PTPRN2: variants seen among roughly 807,000 people sequenced by gnomAD.
PTPRN2 encodes the protein protein tyrosine phosphatase receptor type N2, also known as receptor-type tyrosine-protein phosphatase N2.
PTPRN2 carries 74 observed loss-of-function variants against 118.8 expected under a neutral mutation model. The ratio of observed to expected loss-of-function variants is 0.62; its 90% CI spans 0.52 to 0.76. The LOEUF (loss-of-function observed/expected upper bound fraction) is 0.76. Ranked by LOEUF, PTPRN2 falls within the 30% of genes least tolerant of loss-of-function variation. The pLI, the probability that PTPRN2 is intolerant of heterozygous loss-of-function variation, is 0.00. For synonymous variants in PTPRN2, 641 were observed against 608.0 expected, an observed-to-expected ratio of 1.05 and a Z score of -0.80; for missense variants, 1,481 against 1,394.4, an observed-to-expected ratio of 1.06 and a Z score of -0.99.
At chr7:158,370,385 G>A (rs574457615) in intron 2 of PTPRN2, among the ~76,000 whole-genome samples, 121 of 151,948 alleles carry the variant, frequency 8.0e-4, no homozygotes, top group African/African-American at 2.8e-3. Flanking sequence ...GCAGTGAGCC[G>A]AGATTGTACC....
At chr7:157,714,042 G>C (rs2150897313) in intron 12 of PTPRN2, among the ~76,000 whole-genome samples, 1 of 152,348 alleles carries the variant, frequency 6.6e-6, no homozygotes, top group Admixed American at 6.5e-5. Flanking sequence ...TCCACATTTT[G>C]AGGTGTGTAA....
Position 157,608,508 on chromosome 7 carries a change from C to G in PTPRN2, c.2345-4433G>C, listed in dbSNP as rs570898085. Among the ~76,000 whole-genome samples, 5 of 152,282 alleles carry G rather than the reference C, an allele frequency of 3.3e-5. No homozygotes were observed. In the South Asian group the frequency reaches 1.0e-3, roughly 32 times the overall value. ...CCTGCAGGGGGCGGCAACCGTTCCT[C>G]GTGCGGAGAGTTCATGTGCCTGGCG... On this transcript the variant is annotated intron_variant, in intron 15 of 22. Transcript: ENST00000389418.
At chr7:158,122,542 A>G (rs1817259807) in intron 9 of PTPRN2, among the ~76,000 whole-genome samples, 1 of 152,144 alleles carries the variant, frequency 6.6e-6, no homozygotes, top group African/African-American at 2.4e-5. Flanking sequence ...GACTAGTGAA[A>G]AGTACGTAGG....
At chr7:158,363,326 G>A (rs1055344874) in intron 2 of PTPRN2, among the ~76,000 whole-genome samples, 5 of 152,150 alleles carry the variant, frequency 3.3e-5, no homozygotes, top group Admixed American at 3.3e-4. Context: ...GAAGCTATGG[G>A]AGGATGCTCG....
At chr7:157,630,295 G>A (rs201227241) in intron 14 of PTPRN2, among the ~76,000 whole-genome samples, 1 of 152,152 alleles carries the variant, frequency 6.6e-6, no homozygotes, top group East Asian at 1.9e-4. Flanking sequence ...ATTCAAAGTA[G>A]TACATGTGAA....
intron 1 of PTPRN2, among the ~76,000 whole-genome samples, chr7:158,504,386 C>G (rs1822591349): frequency 6.6e-6 from 1 of 152,000 alleles, no homozygotes; most frequent in South Asian, 2.1e-4. Context: ...TGTGTCGTTC[C>G]CCCCCCATGT....
At chr7:158,071,586 G>GTGGTGGAGGTGCTTGTGGTGA (rs1811718943) in intron 11 of PTPRN2, among the ~76,000 whole-genome samples, 3 of 112,764 alleles carry the variant, frequency 2.7e-5, no homozygotes, top group African/African-American at 1.1e-4. Flanking sequence ...GGTGCTCCTG[G>GTGGTGGAGGTGCTTGTGGTGA]TGGAGGTGCT....
intron 2 of PTPRN2, among the ~76,000 whole-genome samples, chr7:158,374,068 G>A (rs1810311440): frequency 6.6e-6 from 1 of 152,232 alleles, no homozygotes; most frequent in African/African-American, 2.4e-5. Context: ...ACTGGAGTCA[G>A]GGCTCAGGCA....
chr7:158,281,352 A>G (rs1160879795), intron 3 of PTPRN2, among the ~76,000 whole-genome samples: 1 of 152,252 alleles, frequency 6.6e-6, no homozygotes, highest in Non-Finnish European at 1.5e-5. Context: ...ATAAAACAGT[A>G]GTAGAGTCAT....
chr7:158,110,862 A>G lies in PTPRN2; in HGVS notation c.1610T>C (p.Leu537Pro), dbSNP rs1372873985. The change falls in exon 10 of 23, where the codon CTG becomes CCG. Residue 537 changes from leucine (L) to proline (P), a missense_variant. Leu to Pro is a moderately conservative substitution (Grantham distance 98, BLOSUM62 -3). This residue lies in a region of PTPRN2 where 1,115 missense variants were observed against 994.2 expected (regional missense o/e 1.12). Transcript: ENST00000389418. ...AGCGAACGCACTGCTGGGCACCTGC[A>G]GGAGGCGGGCGACGTCCTCCACCAG... ...RRLVEDVARL[L>P]QVPSSAFADV... 2 of 1,589,574 alleles carry G rather than the reference A, an allele frequency of 1.3e-6. No homozygotes were observed. Among genetic ancestry groups the G allele is most frequent in the Admixed American group, 1.7e-5 (1 of 57,730 alleles).
chr7:158,065,646 A>C (rs1200865256), intron 11 of PTPRN2, among the ~76,000 whole-genome samples: 2 of 152,204 alleles, frequency 1.3e-5, no homozygotes, highest in Non-Finnish European at 2.9e-5. Flanking sequence ...TTTGTATTTC[A>C]CAACCAGCGG....
intron 12 of PTPRN2, among the ~76,000 whole-genome samples, chr7:157,732,483 T>C (rs55824501): frequency 0.011 from 113 of 9,942 alleles, 1 homozygote; most frequent in Non-Finnish European, 0.016. Flanking sequence ...CCCTTTTCCG[T>C]CCCATGCGCC....
At chr7:157,725,284 G>A (rs1281881023) in intron 12 of PTPRN2, among the ~76,000 whole-genome samples, 1 of 132,394 alleles carries the variant, frequency 7.6e-6, no homozygotes, top group African/African-American at 3.3e-5. Flanking sequence ...CCTCCCAGGA[G>A]AACTGGATAC....
At chr7:157,683,309 C>T (rs935419010) in intron 12 of PTPRN2, among the ~76,000 whole-genome samples, 28 of 151,380 alleles carry the variant, frequency 1.8e-4, no homozygotes, top group African/African-American at 6.5e-4. Context: ...CAATGATTGT[C>T]GGGGGTGCTG....
At chr7:157,778,612 C>T (rs1352599510) in intron 12 of PTPRN2, among the ~76,000 whole-genome samples, 1 of 152,042 alleles carries the variant, frequency 6.6e-6, no homozygotes, top group African/African-American at 2.4e-5. Context: ...CATGTGAATA[C>T]AGGTATCGAA....
intron 2 of PTPRN2, among the ~76,000 whole-genome samples, chr7:158,391,562 G>A (rs1434570395): frequency 6.6e-6 from 1 of 152,202 alleles, no homozygotes; most frequent in African/African-American, 2.4e-5. Context: ...GATGAGAAAT[G>A]CCCACCTACC....
At chr7:157,693,617 C>T (rs1484555390) in intron 12 of PTPRN2, among the ~76,000 whole-genome samples, 1 of 152,018 alleles carries the variant, frequency 6.6e-6, no homozygotes, top group African/African-American at 2.4e-5. Flanking sequence ...CCGGCCCGAG[C>T]GCCCGGCGCA....
At chr7:158,040,396 CTT>C (rs1491250011) in intron 11 of PTPRN2, among the ~76,000 whole-genome samples, 6 of 139,744 alleles carry the variant, frequency 4.3e-5, no homozygotes, top group Non-Finnish European at 9.5e-5. Flanking sequence ...TGTGCACACA[CTT>C]CACACACACA....
chr7:158,424,739 C>T (rs947899303), intron 2 of PTPRN2, among the ~76,000 whole-genome samples: 2 of 152,214 alleles, frequency 1.3e-5, no homozygotes, highest in Non-Finnish European at 2.9e-5. Flanking sequence ...CCCTCGAGAA[C>T]ATCTGGGGAC....
Sources: allele counts gnomAD v4.1 joint callset (sites outside exome capture counted in the v4.1 genomes callset), GRCh38; gene constraint gnomAD v4.1.1; regional missense constraint gnomAD v4.1.1; transcripts MANE v1.5; gene names NCBI Gene and HGNC (gene_info 2026-07-23, HGNC 2026-07-21).